The following KIF6 variants were observed in gnomAD, a reference collection of about 807,000 sequenced individuals.
KIF6 encodes the protein kinesin-like protein KIF6.
Under a neutral mutation model 112.7 loss-of-function variants are expected in KIF6, and 106 were observed. The observed-to-expected ratio is 0.94, with a 90% confidence interval of 0.80 to 1.11. The LOEUF is 1.11. Ranked by LOEUF, KIF6 falls within the 50% of genes least tolerant of loss-of-function variation. KIF6 has a pLI of 0.00. For synonymous variants in KIF6, 339 were observed against 339.9 expected, an observed-to-expected ratio of 1.00 and a Z score of 0.03; for missense variants, 929 against 964.0, an observed-to-expected ratio of 0.96 and a Z score of 0.48.
intron 1 of KIF6, 49 bp from the exon 2 acceptor site, chr6:39,720,860 T>C: frequency 1.2e-6 from 1 of 816,600 alleles, no homozygotes; most frequent in Non-Finnish European, 2.2e-6. Flanking sequence ...AAATTATGGC[T>C]TGAACTATCA....
rs1222106443 is a variant in KIF6, at chr6:39,725,301, G to A, written c.10C>T (p.Gln4Ter). 6.2e-7 allele frequency: 1 copy of A among 1,609,944 alleles called. No individual in the cohort carries two copies. Among genetic ancestry groups the A allele is most frequent in the East Asian group, 2.3e-5 (1 of 44,380 alleles). ...ACCCTCGCGAATATCTGGATAGTCTGCTTCACCATCTCCTCCCTGGCTCTG... is the reference window on the plus strand; with the variant it reads ...ACCCTCGCGAATATCTGGATAGTCTACTTCACCATCTCCTCCCTGGCTCTG... MVK[Q>*]TIQIFARVKP... Residue 4 changes from glutamine (Q) to a stop codon, truncating the protein, a stop_gained, in exon 1 of 23, where the codon CAG becomes TAG. Coordinates refer to ENST00000287152, the MANE Select transcript of KIF6 (RefSeq NM_145027.6). LOFTEE classifies it high-confidence loss of function.
At chr6:39,717,180 G>A (rs1027737393) in intron 2 of KIF6, among the ~76,000 whole-genome samples, 2 of 151,700 alleles carry the variant, frequency 1.3e-5, no homozygotes, top group Admixed American at 1.3e-4. Context: ...GCCTTCTCAC[G>A]GCTCAAGTCC....
At chr6:39,547,868 A>AC (rs1339341471) in intron 10 of KIF6, among the ~76,000 whole-genome samples, 1 of 152,198 alleles carries the variant, frequency 6.6e-6, no homozygotes, top group Non-Finnish European at 1.5e-5. Flanking sequence ...CACTGAGGTG[A>AC]CATACTCATA....
At chr6:39,516,585 A>G (rs1299675741) in intron 13 of KIF6, among the ~76,000 whole-genome samples, 1 of 151,608 alleles carries the variant, frequency 6.6e-6, no homozygotes, top group African/African-American at 2.4e-5. Context: ...AAAGTGGGAG[A>G]AGCCTGGGAG....
At chr6:39,431,415 A>C in intron 13 of KIF6, 1 of 356,972 alleles carries the variant, frequency 2.8e-6, no homozygotes, top group Non-Finnish European at 5.0e-6. Context: ...GGGGTTTGGA[A>C]TGCCTGCTCG....
At chr6:39,355,495 G>A (rs1422155459) in intron 19 of KIF6, among the ~76,000 whole-genome samples, 2 of 130,242 alleles carry the variant, frequency 1.5e-5, no homozygotes, top group African/African-American at 3.0e-5. Context: ...GCAGAGTCTC[G>A]CTCTGTCGCC....
At chr6:39,652,319 G>A (rs979907823) in intron 3 of KIF6, among the ~76,000 whole-genome samples, 1 of 151,988 alleles carries the variant, frequency 6.6e-6, no homozygotes. Context: ...ACCTAAGGTC[G>A]GGAGTTCAAG....
chr6:39,336,769 C>T (rs367779609), intron 22 of KIF6, among the ~76,000 whole-genome samples: 45 of 151,930 alleles, frequency 3.0e-4, no homozygotes, highest in African/African-American at 9.7e-4. Flanking sequence ...CTGAGACTGA[C>T]GCCTGTTTTC....
At chr6:39,336,601 T>C in intron 22 of KIF6, 53 bp from the exon 23 acceptor site, 1 of 1,577,784 alleles carries the variant, frequency 6.3e-7, no homozygotes, top group Non-Finnish European at 8.7e-7. Context: ...GACACTGACT[T>C]TTCCCAGGAT....
chr6:39,604,335 C>CTATG (rs1227352045), intron 6 of KIF6, among the ~76,000 whole-genome samples: 1 of 152,104 alleles, frequency 6.6e-6, no homozygotes, highest in Non-Finnish European at 1.5e-5. Flanking sequence ...AGGAAGCTTG[C>CTATG]TATGCCCTTG....
intron 15 of KIF6, among the ~76,000 whole-genome samples, chr6:39,402,040 C>G (rs1197855325): frequency 6.6e-6 from 1 of 152,028 alleles, no homozygotes; most frequent in Non-Finnish European, 1.5e-5. Flanking sequence ...TTTCTATGGA[C>G]CCTATTTTAA....
chr6:39,372,335 A>G (rs927083718), intron 16 of KIF6, among the ~76,000 whole-genome samples: 6 of 152,342 alleles, frequency 3.9e-5, no homozygotes, highest in African/African-American at 1.2e-4. Flanking sequence ...CACCACCAAC[A>G]GCTATTAAGT....
intron 16 of KIF6, among the ~76,000 whole-genome samples, chr6:39,370,992 A>G (rs545239103): frequency 1.3e-5 from 2 of 152,264 alleles, no homozygotes; most frequent in South Asian, 4.2e-4. Flanking sequence ...GGTTAGGGGC[A>G]TTTTGGATCA....
intron 13 of KIF6, among the ~76,000 whole-genome samples, chr6:39,515,663 C>T (rs919864668): frequency 6.6e-6 from 1 of 152,162 alleles, no homozygotes; most frequent in Non-Finnish European, 1.5e-5. Context: ...CATCACAAAG[C>T]CACATAGGAG....
Position 39,331,952 on chromosome 6 carries a change from T to C in KIF6, c.*4580A>G, listed in dbSNP as rs1762755395. On this transcript the variant is annotated 3_prime_UTR_variant, in exon 23 of 23. Coordinates refer to ENST00000287152, the MANE Select transcript of KIF6 (RefSeq NM_145027.6). ...GGGGCTGTTTCTATTTGTTTTTTCT[T>C]TTTTTTTTTTTTGAGACAGAGTTTC... is the stretch of plus-strand genomic sequence containing the variant. The C allele has an allele frequency of 4.8e-5, 2 of 41,554 alleles. No individual in the cohort carries two copies. The highest frequency in any genetic ancestry group is 4.0e-5 in the Non-Finnish European group (1 of 24,972). 2.6% of individuals were successfully genotyped at this position (41,554 alleles called of 1,614,324 possible).
chr6:39,346,081 TCTCTC>T (rs1763719665), intron 20 of KIF6, among the ~76,000 whole-genome samples: 5 of 23,898 alleles, frequency 2.1e-4, no homozygotes, highest in Admixed American at 4.1e-4. Flanking sequence ...TCTCTCTCTC[TCTCTC>T]CCCCCCCTCT....
At chr6:39,622,590 T>C (rs2150737999) in intron 5 of KIF6, among the ~76,000 whole-genome samples, 1 of 152,322 alleles carries the variant, frequency 6.6e-6, no homozygotes, top group East Asian at 1.9e-4. Context: ...CTGTATGGGA[T>C]CTGTCCTCCC....
At chr6:39,346,116 C>CTCT (rs1763753460) in intron 20 of KIF6, among the ~76,000 whole-genome samples, 3 of 17,848 alleles carry the variant, frequency 1.7e-4, no homozygotes, top group African/African-American at 3.7e-4. Flanking sequence ...CCTCCCTCTC[C>CTCT]CTCTCCCTCC....
At chr6:39,415,609 C>T (rs1769862330) in intron 15 of KIF6, among the ~76,000 whole-genome samples, 1 of 152,204 alleles carries the variant, frequency 6.6e-6, no homozygotes, top group South Asian at 2.1e-4. Flanking sequence ...CATAATCTAG[C>T]AAAACAGCCT....
Sources: gnomAD v4.1 joint callset for allele counts (sites outside exome capture counted in the v4.1 genomes callset) on GRCh38, gnomAD v4.1.1 for gene constraint, MANE v1.5 for transcripts, NCBI Gene and HGNC (gene_info 2026-07-23, HGNC 2026-07-21) for gene names.